MITD1: variants seen among roughly 807,000 people sequenced by gnomAD.
The protein encoded by MITD1 is microtubule interacting and trafficking domain containing 1.
Under a neutral mutation model 34.9 loss-of-function variants are expected in MITD1, and 24 were observed. That is an observed-to-expected ratio of 0.69 (90% CI 0.50 to 0.97). The LOEUF (loss-of-function observed/expected upper bound fraction) is 0.97. MITD1 is among the 50% of genes least tolerant of loss of function. The pLI is 0.00. For missense variants in MITD1, 266 were observed against 294.6 expected (o/e 0.90, Z 0.71); for synonymous variants, 102 against 101.4 (o/e 1.01, Z -0.04).
At chr2:99,165,810 A>G (rs954268430), downstream of MITD1, among the ~76,000 whole-genome samples, 2 of 152,088 alleles carry the variant, frequency 1.3e-5, no homozygotes, top group South Asian at 2.1e-4. Flanking sequence ...ACTGCTCCAT[A>G]TTTTGAATTA....
In MITD1 at chr2:99,162,970, C is replaced by T; in HGVS notation, c.*4-752G>A. On this transcript the variant is annotated intron_variant, in intron 7 of 7. Coordinates refer to the MITD1 transcript ENST00000422537. ...AGTCTTATTGGCAGTAAGTTTTGCC[C>T]AACTGAAACTACCATGCTAACAAAT... 1 of 1,613,712 alleles carries T rather than the reference C, an allele frequency of 6.2e-7. No homozygotes were observed. The highest frequency in any genetic ancestry group is 8.5e-7 in the Non-Finnish European group (1 of 1,179,872).
chr2:99,176,177 C>G (rs1220752127), intron 1 of MITD1, among the ~76,000 whole-genome samples: 1 of 152,166 alleles, frequency 6.6e-6, no homozygotes, highest in African/African-American at 2.4e-5. Context: ...GTCTCGAACT[C>G]CTGGGCTCAG....
intron 7 of MITD1, chr2:99,162,360 AG>A (rs2093801193): frequency 1.2e-6 from 2 of 1,613,956 alleles, no homozygotes; most frequent in Non-Finnish European, 8.5e-7. Context: ...ATTAATTGTG[AG>A]AGCTCTGAAT....
At chr2:99,176,398 T>G (rs575339385) in intron 1 of MITD1, among the ~76,000 whole-genome samples, 20 of 151,926 alleles carry the variant, frequency 1.3e-4, no homozygotes, top group African/African-American at 4.6e-4. Context: ...CAATCTCGGC[T>G]TACTGCAACC....
In MITD1 at chr2:99,171,068, A is replaced by G. The variant is rs1008798869; in HGVS notation, c.477+275T>C. On this transcript the variant is annotated intron_variant, in intron 4 of 6. Coordinates refer to ENST00000289359, the MANE Select transcript of MITD1 (RefSeq NM_138798.3). ...AATTGGTAAAGAAACAAAATTGTTC[A>G]TAGTGCAGACAGTGTGATTGCCTCC... is the stretch of plus-strand genomic sequence containing the variant. 3.9e-5 allele frequency among the ~76,000 whole-genome samples: 6 copies of G among 152,238 alleles called. No homozygotes were observed. In the East Asian group the frequency reaches 7.7e-4, roughly 20 times the overall value.
At chr2:99,171,689 T>C (rs199721821) in intron 2 of MITD1, 43 bp from the exon 3 acceptor site, 4 of 1,570,312 alleles carry the variant, frequency 2.5e-6, no homozygotes, top group Non-Finnish European at 3.4e-6. Flanking sequence ...TGACCATTTT[T>C]TTTTTACACA....
chr2:99,173,374 G>A (rs142296210), intron 2 of MITD1: 27 of 408,052 alleles, frequency 6.6e-5, no homozygotes, highest in Admixed American at 1.5e-4. Context: ...TAAACTGGAT[G>A]CTTAGGAGTA....
downstream of MITD1, among the ~76,000 whole-genome samples, chr2:99,164,891 C>A (rs776265008): frequency 1.3e-5 from 2 of 151,902 alleles, no homozygotes; most frequent in Non-Finnish European, 2.9e-5. Flanking sequence ...TTAAGGGCTT[C>A]GAGTTCCAAA....
At chr2:99,163,145 T>C in intron 7 of MITD1, 1 of 1,134,056 alleles carries the variant, frequency 8.8e-7, no homozygotes, top group Non-Finnish European at 1.2e-6. Flanking sequence ...GCACATTGTA[T>C]GTCAAAAAAA....
Position 99,170,640 on chromosome 2 carries a change from C to T in MITD1, c.490G>A (p.Val164Met), listed in dbSNP as rs779403535. Reference sequence around the variant, plus strand: ...TCTTGCAGGCCTCTACTTTGCTGCACTTGCTCAATGCCCTGTTAATAGCAA... The same window carrying T: ...TCTTGCAGGCCTCTACTTTGCTGCATTTGCTCAATGCCCTGTTAATAGCAA... Reference protein sequence around the residue: ...LTSLDEGIEQVQQSRGLQEIE... With the variant: ...LTSLDEGIEQMQQSRGLQEIE... Residue 164 changes from valine to methionine, a missense_variant, in exon 5 of 7, where the codon GTG becomes ATG. Coordinates refer to ENST00000289359, the MANE Select transcript of MITD1 (RefSeq NM_138798.3). 6.3e-7 allele frequency: 1 copy of T among 1,576,762 alleles called. No homozygotes were observed. Among genetic ancestry groups the T allele is most frequent in the Non-Finnish European group, 8.7e-7 (1 of 1,147,418 alleles).
chr2:99,179,365 A>G (rs750915983), intron 1 of MITD1, among the ~76,000 whole-genome samples: 15 of 152,262 alleles, frequency 9.9e-5, no homozygotes, highest in Non-Finnish European at 2.2e-4. Context: ...GAAAGCGAAC[A>G]ATACTTTTTA....
At chr2:99,171,207 C>A in intron 4 of MITD1, 136 bp downstream of exon 4, 1 of 674,902 alleles carries the variant, frequency 1.5e-6, no homozygotes, top group Non-Finnish European at 2.6e-6. Flanking sequence ...ACATGTTATG[C>A]ATACTGTTAG....
chr2:99,163,692 G>C (rs1335418629), intron 7 of MITD1, among the ~76,000 whole-genome samples: 1 of 151,794 alleles, frequency 6.6e-6, no homozygotes, highest in Non-Finnish European at 1.5e-5. Context: ...TACTCTCTTG[G>C]GGCTATATAT....
intron 7 of MITD1, among the ~76,000 whole-genome samples, chr2:99,163,766 C>T (rs1012900753): frequency 1.3e-5 from 2 of 152,116 alleles, no homozygotes; most frequent in Non-Finnish European, 2.9e-5. Flanking sequence ...AGATATAACC[C>T]AGATTTCTTG....
chr2:99,166,146 A>G (rs2093825607), downstream of MITD1, among the ~76,000 whole-genome samples: 1 of 152,092 alleles, frequency 6.6e-6, no homozygotes. Flanking sequence ...GTTTTTTACT[A>G]AGAACACTTA....
At chr2:99,165,019 TACACACACACACACAC>T (rs56958044), downstream of MITD1, among the ~76,000 whole-genome samples, 26,376 of 136,738 alleles carry the variant, frequency 0.19, 2,750 homozygotes, top group Admixed American at 0.29. Context: ...CAAAATGGCA[TACACACACACACACAC>T]ACACACACAC....
rs1213516043 is a variant in MITD1, at chr2:99,171,120, AAACT to A, written c.477+219_477+222del. On this transcript the variant is annotated intron_variant, in intron 4 of 6. Coordinates refer to ENST00000289359, the MANE Select transcript of MITD1 (RefSeq NM_138798.3). ...AGAATATCCAAGAGACTAAACTAAC[AAACT>A]ATTTGAATAAGTGCATTTAGCAAAG... Among the ~76,000 whole-genome samples, 6 of 152,320 alleles carry A rather than the reference AAACT, an allele frequency of 3.9e-5. 1 individual carries two copies. The highest frequency in any genetic ancestry group is 3.3e-4 in the Admixed American group (5 of 15,300).
downstream of MITD1, among the ~76,000 whole-genome samples, chr2:99,168,256 C>A (rs933451276): frequency 7.9e-5 from 12 of 152,224 alleles, no homozygotes; most frequent in African/African-American, 2.9e-4. Flanking sequence ...ATTCTCCTGC[C>A]TCAGCCTCCC....
chr2:99,173,766 T>C (rs2093870770), intron 2 of MITD1, 149 bp downstream of exon 2: 5 of 663,578 alleles, frequency 7.5e-6, no homozygotes, highest in Middle Eastern at 2.4e-4. Flanking sequence ...AACTCCTGTA[T>C]GGGAGTGGAA....
Sources: gnomAD v4.1 joint callset for allele counts (sites outside exome capture counted in the v4.1 genomes callset) on GRCh38, gnomAD v4.1.1 for gene constraint, MANE v1.5 for transcripts, NCBI Gene and HGNC (gene_info 2026-07-23, HGNC 2026-07-21) for gene names.